TCF4: variants seen among roughly 807,000 people sequenced by gnomAD.
TCF4 encodes SL3-3 enhancer factor 2.
Under a neutral mutation model 82.1 loss-of-function variants are expected in TCF4, and 3 were observed. That is an observed-to-expected ratio of 0.04 (90% CI 0.02 to 0.09). The LOEUF (loss-of-function observed/expected upper bound fraction) is 0.09. Ranked by LOEUF, TCF4 falls within the 10% of genes least tolerant of loss-of-function variation. TCF4 has a pLI of 1.00. For synonymous variants in TCF4, 276 were observed against 309.6 expected (o/e 0.89, Z 1.14); for missense variants, 518 against 852.7 (o/e 0.61, Z 4.89).
intron 5 of TCF4, among the ~76,000 whole-genome samples, chr18:55,453,360 A>T (rs1422874648): frequency 6.6e-6 from 1 of 152,202 alleles, no homozygotes; most frequent in Non-Finnish European, 1.5e-5. Context: ...GAATGAGAAA[A>T]ATTATTCTTA....
intron 3 of TCF4, among the ~76,000 whole-genome samples, chr18:55,560,734 G>A (rs1237697732): frequency 6.6e-6 from 1 of 152,012 alleles, no homozygotes; most frequent in African/African-American, 2.4e-5. Flanking sequence ...TCACATAAGT[G>A]CATCCAGAGC....
At chr18:55,372,691 AG>A (rs1301810180) in intron 6 of TCF4, among the ~76,000 whole-genome samples, 10 of 152,194 alleles carry the variant, frequency 6.6e-5, no homozygotes, top group African/African-American at 2.2e-4. Context: ...CACAAAAATT[AG>A]CAAGATGGGG....
At chr18:55,584,011 T>G (rs1461058972) in intron 3 of TCF4, among the ~76,000 whole-genome samples, 1 of 152,102 alleles carries the variant, frequency 6.6e-6, no homozygotes, top group Non-Finnish European at 1.5e-5. Context: ...TTAATCAATG[T>G]GCACCAGAAA....
intron 1 of TCF4, among the ~76,000 whole-genome samples, chr18:55,634,669 T>A (rs1354319472): frequency 6.6e-6 from 1 of 152,182 alleles, no homozygotes. Context: ...TGATTGCAAT[T>A]TTATCCTATA....
chr18:55,392,919 T>C (rs962709768), intron 6 of TCF4, among the ~76,000 whole-genome samples: 1 of 152,340 alleles, frequency 6.6e-6, no homozygotes, highest in East Asian at 1.9e-4. Flanking sequence ...ATTGGCATGA[T>C]TAACTCACAT....
chr18:55,571,705 T>C (rs989088438), intron 3 of TCF4, among the ~76,000 whole-genome samples: 5 of 151,550 alleles, frequency 3.3e-5, no homozygotes, highest in African/African-American at 1.2e-4. Flanking sequence ...AAAGAGGCTA[T>C]GGCCAGAGGG....
chr18:55,491,159 C>A (rs2096571838), intron 3 of TCF4, among the ~76,000 whole-genome samples: 1 of 152,206 alleles, frequency 6.6e-6, no homozygotes. Context: ...CCCTTCACCA[C>A]ATGCCTCTAT....
Position 55,350,257 on chromosome 18 carries a change from C to T in TCF4, c.549+102G>A, listed in dbSNP as rs117303010. On this transcript the variant is annotated intron_variant, in intron 8 of 19. Coordinates refer to ENST00000354452, the MANE Select transcript of TCF4 (RefSeq NM_001083962.2). ...CTCATCCACCTTCTAGATAAACGTG[C>T]TGCTCTGGGCGCATGGAAACTCATT... is the stretch of plus-strand genomic sequence containing the variant. 1,691 of 1,241,060 alleles carry T rather than the reference C, an allele frequency of 1.4e-3. 42 individuals carry two copies. In the East Asian group the frequency reaches 0.036, roughly 27 times the overall value. The allele number at this position is 1,241,060 out of a possible 1,614,324, so 76.9% of individuals were successfully genotyped here.
chr18:55,303,957 A>C (rs754986395), intron 8 of TCF4, among the ~76,000 whole-genome samples: 7 of 152,216 alleles, frequency 4.6e-5, no homozygotes, highest in Non-Finnish European at 8.8e-5. Context: ...CAAAAAAGAA[A>C]GAAAGAATCT....
chr18:55,294,739 C>T (rs185135692), intron 8 of TCF4, among the ~76,000 whole-genome samples: 94 of 152,242 alleles, frequency 6.2e-4, no homozygotes, highest in South Asian at 1.9e-3. Context: ...CTCTGACTTG[C>T]TATATTTATC....
At chr18:55,585,032 A>G (rs2147843711) in intron 3 of TCF4, among the ~76,000 whole-genome samples, 1 of 152,296 alleles carries the variant, frequency 6.6e-6, no homozygotes, top group African/African-American at 2.4e-5. Context: ...GTATTAGAAA[A>G]TTGCTCTTAA....
intron 6 of TCF4, among the ~76,000 whole-genome samples, chr18:55,352,764 G>T (rs533926378): frequency 1.3e-4 from 20 of 152,160 alleles, no homozygotes; most frequent in African/African-American, 4.6e-4. Flanking sequence ...TTATCATTTA[G>T]GAGTGGCATT....
intron 3 of TCF4, among the ~76,000 whole-genome samples, chr18:55,508,724 T>C (rs76786109): frequency 0.011 from 1,614 of 152,276 alleles, 12 homozygotes; most frequent in Non-Finnish European, 0.016. Context: ...AATTATAAAA[T>C]ACCAGAAATC....
At chr18:55,600,411 C>T (rs1439247115) in intron 2 of TCF4, among the ~76,000 whole-genome samples, 1 of 152,176 alleles carries the variant, frequency 6.6e-6, no homozygotes, top group African/African-American at 2.4e-5. Context: ...TTGCTGCTGC[C>T]TCCTCAATTA....
At chr18:55,294,363 G>T (rs1233898807) in intron 8 of TCF4, among the ~76,000 whole-genome samples, 1 of 152,112 alleles carries the variant, frequency 6.6e-6, no homozygotes, top group African/African-American at 2.4e-5. Flanking sequence ...AGCAAAGATT[G>T]TGGTTTAGAG....
At chr18:55,518,077 T>C (rs1311566947) in intron 3 of TCF4, among the ~76,000 whole-genome samples, 1 of 152,194 alleles carries the variant, frequency 6.6e-6, no homozygotes, top group Non-Finnish European at 1.5e-5. Context: ...TACCGTTAAG[T>C]ACTTATTGAA....
chr18:55,578,901 A>G (rs373408813), intron 3 of TCF4, among the ~76,000 whole-genome samples: 3 of 151,970 alleles, frequency 2.0e-5, no homozygotes, highest in Admixed American at 2.0e-4. Flanking sequence ...TGAACAATCA[A>G]TCGTGTGGCT....
chr18:55,574,481 C>T (rs558638041), intron 3 of TCF4, among the ~76,000 whole-genome samples: 3 of 152,240 alleles, frequency 2.0e-5, no homozygotes, highest in South Asian at 4.1e-4. Flanking sequence ...CCTGCCACCA[C>T]GCCCAGCTAA....
chr18:55,371,524 G>C (rs1419102483), intron 6 of TCF4, among the ~76,000 whole-genome samples: 2 of 152,112 alleles, frequency 1.3e-5, no homozygotes, highest in Admixed American at 1.3e-4. Flanking sequence ...GCTTCGGTGA[G>C]AGCCAAGGAA....
Sources: gnomAD v4.1 joint callset for allele counts (sites outside exome capture counted in the v4.1 genomes callset) on GRCh38, gnomAD v4.1.1 for gene constraint, MANE v1.5 for transcripts, NCBI Gene and HGNC (gene_info 2026-07-23, HGNC 2026-07-21) for gene names.